TERT: variants seen among roughly 807,000 people sequenced by gnomAD.
The protein encoded by TERT is telomerase catalytic subunit.
Under a neutral mutation model 104.0 loss-of-function variants are expected in TERT, and 42 were observed. That is an observed-to-expected ratio of 0.40 (90% CI 0.32 to 0.52). The LOEUF (loss-of-function observed/expected upper bound fraction) is 0.52. Among genes scored for constraint, TERT ranks in the 20% least tolerant of loss-of-function variants. The probability of loss-of-function intolerance (pLI) is 0.43; values close to 1 mark genes in which losing one functional copy is unlikely to be tolerated. For synonymous variants in TERT, 781 were observed against 725.6 expected (o/e 1.08, Z -1.23); for missense variants, 1,101 against 1,610.3 (o/e 0.68, Z 5.41).
rs1257004920 is a variant in TERT, at chr5:1,253,703, C to T, written c.*25G>A. On this transcript the variant is annotated 3_prime_UTR_variant, in exon 16 of 16. Coordinates refer to ENST00000310581, the MANE Select transcript of TERT (RefSeq NM_198253.3). ...TGACAGGGCTGCTGGTGTCTGCTCTCGGCCTGGCTGTGGGCGGGTGGCCAT... is the reference window on the plus strand; with the variant it reads ...TGACAGGGCTGCTGGTGTCTGCTCTTGGCCTGGCTGTGGGCGGGTGGCCAT... 8.2e-6 allele frequency: 13 copies of T among 1,590,034 alleles called. No individual in the cohort carries two copies. The highest frequency in any genetic ancestry group is 1.7e-5 in the Admixed American group (1 of 58,210).
Position 1,287,422 on chromosome 5 carries a change from C to A in TERT, c.1574-4798G>T, listed in dbSNP as rs1002582852. Among the ~76,000 whole-genome samples the A allele has an allele frequency of 3.3e-5, 5 of 151,364 alleles. No individual in the cohort carries two copies. The highest frequency in any genetic ancestry group is 1.2e-4 in the African/African-American group (5 of 41,218). On this transcript the variant is annotated intron_variant, in intron 2 of 15. Coordinates refer to ENST00000310581, the MANE Select transcript of TERT (RefSeq NM_198253.3). The surrounding 1 kb of genome is among the most constrained non-coding windows in gnomAD (Gnocchi z 4.3). ...GGCTGAGGTGAGAGGACGGCTCAGGCCAGAAGGTAAAAGTTACACTGACCT... is the reference window on the plus strand; with the variant it reads ...GGCTGAGGTGAGAGGACGGCTCAGGACAGAAGGTAAAAGTTACACTGACCT...
intron 15 of TERT, among the ~76,000 whole-genome samples, chr5:1,254,157 G>A (rs1370256021): frequency 1.3e-5 from 2 of 152,198 alleles, no homozygotes; most frequent in African/African-American, 2.4e-5. Context: ...TGGGAAGCAG[G>A]GGTTCAAGAA....
intron 7 of TERT, among the ~76,000 whole-genome samples, 196 bp downstream of exon 7, chr5:1,271,989 T>C (rs1401784963): frequency 6.6e-6 from 1 of 152,240 alleles, no homozygotes; most frequent in Non-Finnish European, 1.5e-5. Flanking sequence ...GGTGCCTGAA[T>C]GCAGCAGCTG....
intron 12 of TERT, 98 bp from the exon 13 acceptor site, chr5:1,258,757 G>T: frequency 9.4e-7 from 1 of 1,062,764 alleles, no homozygotes. Context: ...GAACAAGAAA[G>T]AGGAACATTT....
In TERT at chr5:1,280,243, C is replaced by T; in HGVS notation, c.1865G>A (p.Arg622His). The change falls in exon 4 of 16, where the codon CGC becomes CAC. Residue 622 changes from arginine (R) to histidine (H), a missense_variant. Around this residue, in one of 5 missense-constraint regions of TERT, gnomAD observed 463 missense variants for 797.5 expected, o/e 0.58. Coordinates refer to ENST00000310581, the MANE Select transcript of TERT (RefSeq NM_198253.3). ...ARPALLTSRL[R>H]FIPKPDGLRP... ...CAGCCCGTCAGGCTTGGGGATGAAG[C>T]GGAGTCTGGACGTCAGCAGGGCGGG... 6.2e-7 allele frequency: 1 copy of T among 1,613,886 alleles called. No homozygotes were observed.
rs780816214 is a variant in TERT, at chr5:1,271,241, G to A, written c.2383-37C>T. 32 of 1,515,776 alleles carry A rather than the reference G, an allele frequency of 2.1e-5. No individual in the cohort carries two copies. The Middle Eastern group carries it at 5.1e-4, about 24-fold the overall frequency. The allele number at this position is 1,515,776 out of a possible 1,614,324, so 93.9% of individuals were successfully genotyped here. On this transcript the variant is annotated intron_variant, in intron 7 of 15. Coordinates refer to ENST00000310581, the MANE Select transcript of TERT (RefSeq NM_198253.3). Reference sequence around the variant, plus strand: ...GACGGGAGACACATGGGAGTGAGCCGGTGGGTGCTGAGACAGGCAGGACCA... The same window carrying A: ...GACGGGAGACACATGGGAGTGAGCCAGTGGGTGCTGAGACAGGCAGGACCA...
At chr5:1,281,780 A>T (rs1750037232) in intron 3 of TERT, among the ~76,000 whole-genome samples, 1 of 152,162 alleles carries the variant, frequency 6.6e-6, no homozygotes, top group South Asian at 2.1e-4. Flanking sequence ...ATTCATACAG[A>T]ACAGCATGAA....
Position 1,255,446 on chromosome 5 carries a change from C to T in TERT, c.3033-35G>A. 6.2e-7 allele frequency: 1 copy of T among 1,613,624 alleles called. No homozygotes were observed. Among genetic ancestry groups the T allele is most frequent in the South Asian group, 1.1e-5 (1 of 90,942 alleles). On this transcript the variant is annotated intron_variant, in intron 13 of 15. Transcript: ENST00000310581. This position sits in a 1 kb window ranked among gnomAD's most constrained non-coding sequence, Gnocchi z 6.9. Reference sequence around the variant, plus strand: ...TGGCGGACAGCGTCAGAGGAAAGGCCTCCTAATCAGACGGTGCTCGTGGGT... The same window carrying T: ...TGGCGGACAGCGTCAGAGGAAAGGCTTCCTAATCAGACGGTGCTCGTGGGT...
chr5:1,261,459 T>A lies in TERT; in HGVS notation c.2844-859A>T, dbSNP rs577122137. Among the ~76,000 whole-genome samples the A allele has an allele frequency of 1.9e-4, 29 of 152,272 alleles. 1 individual carries two copies. The South Asian group carries it at 6.0e-3, about 32-fold the overall frequency. ...ATGTCTGGTCACTTCAGAAGTGGAATTACTGGGAAGACACAGGACATTGTG... is the reference window on the plus strand; with the variant it reads ...ATGTCTGGTCACTTCAGAAGTGGAAATACTGGGAAGACACAGGACATTGTG... On this transcript the variant is annotated intron_variant, in intron 11 of 15. Coordinates refer to ENST00000310581, the MANE Select transcript of TERT (RefSeq NM_198253.3). This position sits in a 1 kb window ranked among gnomAD's most constrained non-coding sequence, Gnocchi z 7.4.
At chr5:1,291,495 C>T (rs1750954386) in intron 2 of TERT, among the ~76,000 whole-genome samples, 1 of 109,778 alleles carries the variant, frequency 9.1e-6, no homozygotes, top group Non-Finnish European at 1.8e-5. Context: ...ACTCACCCTA[C>T]ACCTGAGAGG....
Position 1,293,966 on chromosome 5 carries a change from G to T in TERT, c.920C>A (p.Pro307His). 1 of 1,556,302 alleles carries T rather than the reference G, an allele frequency of 6.4e-7. No individual in the cohort carries two copies. The change falls in exon 2 of 16, where the codon CCC (proline) becomes CAC (histidine). Residue 307 changes from proline (P) to histidine (H), a missense_variant. By Grantham distance (77) the Pro-to-His change is moderately conservative. Around this residue, in one of 5 missense-constraint regions of TERT, gnomAD observed 504 missense variants for 544.6 expected, o/e 0.93. Transcript: ENST00000310581. ...ACGTGGTGGCCGCGATGTGGATGGG[G>T]GGCCCGCGTGGTGCTGGCGGCCCAC... The part of the protein sequence containing the change: ...PSVGRQHHAG[P>H]PSTSRPPRPW...
intron 6 of TERT, among the ~76,000 whole-genome samples, 200 bp from the exon 7 acceptor site, chr5:1,272,480 G>A (rs996797581): frequency 1.3e-5 from 2 of 152,014 alleles, no homozygotes; most frequent in Non-Finnish European, 1.5e-5. Context: ...GACACACCTG[G>A]GACTCCACCT....
Position 1,270,310 on chromosome 5 carries a change from G to A in TERT, c.2468+809C>T, listed in dbSNP as rs182095399. Among the ~76,000 whole-genome samples the A allele has an allele frequency of 7.2e-5, 11 of 152,086 alleles. No individual in the cohort carries two copies. The highest frequency in any genetic ancestry group is 1.3e-4 in the Non-Finnish European group (9 of 68,008). On this transcript the variant is annotated intron_variant, in intron 8 of 15. Transcript: ENST00000310581. The surrounding 1 kb of genome is among the most constrained non-coding windows in gnomAD (Gnocchi z 8.3). ...CGAAGCTGTGCACAGTCCTTTATCC[G>A]CTGGAGACGATCCCAGAGAGAGGCC...
intron 10 of TERT, 97 bp downstream of exon 10, chr5:1,266,367 G>T: frequency 9.1e-7 from 1 of 1,102,692 alleles, no homozygotes; most frequent in Non-Finnish European, 1.4e-6. Flanking sequence ...GGACTTGGCA[G>T]AGACAACGCT....
In TERT at chr5:1,255,187, A is replaced by G; in HGVS notation, c.3157+100T>C. 1 of 1,482,378 alleles carries G rather than the reference A, an allele frequency of 6.7e-7. No individual in the cohort carries two copies. Among genetic ancestry groups the G allele is most frequent in the Non-Finnish European group, 9.2e-7 (1 of 1,084,378 alleles). The allele number at this position is 1,482,378 out of a possible 1,614,324, so 91.8% of individuals were successfully genotyped here. On this transcript the variant is annotated intron_variant, in intron 14 of 15. Transcript: ENST00000310581. The surrounding 1 kb of genome is among the most constrained non-coding windows in gnomAD (Gnocchi z 6.9). ...GGTTAAACCACTTCCTGATGCGAAA[A>G]GGGGTAAGAACTTCCTAAGCCCAGA...
At chr5:1,260,345 C>T (rs1057159191) in intron 12 of TERT, 129 bp downstream of exon 12, 39 of 1,428,670 alleles carry the variant, frequency 2.7e-5, no homozygotes, top group African/African-American at 1.4e-4. Context: ...CGTGTATATG[C>T]GTACATGTGC....
chr5:1,258,559 C>T (rs1284283686), intron 13 of TERT, 39 bp downstream of exon 13: 1 of 1,548,154 alleles, frequency 6.5e-7, no homozygotes, highest in Non-Finnish European at 8.7e-7. Flanking sequence ...CGCGGAGGGT[C>T]CCTGGAGGCT....
At chr5:1,278,883 C>T in intron 5 of TERT, 87 bp from the exon 6 acceptor site, 2 of 1,567,274 alleles carry the variant, frequency 1.3e-6, no homozygotes, top group Non-Finnish European at 1.7e-6. Context: ...CTGGCGGTGT[C>T]CCCCACTCTC....
intron 12 of TERT, among the ~76,000 whole-genome samples, chr5:1,259,826 G>C (rs1196199526): frequency 6.9e-6 from 1 of 144,826 alleles, no homozygotes; most frequent in Non-Finnish European, 1.5e-5. Context: ...AGGAGAGGGA[G>C]TGGACGCGGA....
Sources: gnomAD v4.1 joint callset for allele counts (sites outside exome capture counted in the v4.1 genomes callset) on GRCh38, gnomAD v4.1.1 for gene constraint, gnomAD v4.1.1 regional missense constraint, Gnocchi (gnomAD v3.1) non-coding constraint, MANE v1.5 for transcripts, NCBI Gene and HGNC (gene_info 2026-07-23, HGNC 2026-07-21) for gene names.